ZFPM2: variants seen among roughly 807,000 people sequenced by gnomAD.
ZFPM2 encodes zinc finger protein ZFPM2.
In ZFPM2, 20 loss-of-function variants were observed where a neutral mutation model predicts 98.6. That is an observed-to-expected ratio of 0.20 (90% CI 0.14 to 0.29). The LOEUF (loss-of-function observed/expected upper bound fraction) is 0.29, where lower values mean the gene tolerates loss of function less well. ZFPM2 is among the 10% of genes least tolerant of loss of function. The pLI is 1.00. For synonymous variants in ZFPM2, 518 were observed against 502.7 expected (o/e 1.03, Z -0.41); for missense variants, 1,310 against 1,388.6 (o/e 0.94, Z 0.90).
chr8:105,397,992 A>C (rs1056383125), intron 1 of ZFPM2, among the ~76,000 whole-genome samples: 3 of 152,162 alleles, frequency 2.0e-5, no homozygotes, highest in African/African-American at 7.2e-5. Flanking sequence ...ATTTGTTAAC[A>C]TGTAAGGGAA....
intron 4 of ZFPM2, among the ~76,000 whole-genome samples, chr8:105,604,520 C>G (rs1816156767): frequency 1.3e-5 from 2 of 152,092 alleles, no homozygotes; most frequent in Non-Finnish European, 2.9e-5. Context: ...TTTCCGTGGT[C>G]TCCATGGCTC....
At chr8:105,780,528 C>T (rs1213056728) in intron 5 of ZFPM2, 1 of 152,218 alleles carries the variant, frequency 6.6e-6, no homozygotes, top group Non-Finnish European at 1.5e-5. Flanking sequence ...TTATCCACTT[C>T]CTTCACCATT....
Position 105,692,255 on chromosome 8 carries a change from A to G in ZFPM2, c.532+57898A>G, listed in dbSNP as rs372516321. Among the ~76,000 whole-genome samples the G allele has an allele frequency of 2.5e-4, 38 of 152,336 alleles. 1 individual carries two copies. The South Asian group carries it at 7.7e-3, about 31-fold the overall frequency. On this transcript the variant is annotated intron_variant, in intron 5 of 7. Coordinates refer to ENST00000407775, the MANE Select transcript of ZFPM2 (RefSeq NM_012082.4). Reference sequence around the variant, plus strand: ...GTTGGGTGCATGTATTTCAAGGAAAACAAATTGTTAGAACACCTATTAATC... The same window carrying G: ...GTTGGGTGCATGTATTTCAAGGAAAGCAAATTGTTAGAACACCTATTAATC...
chr8:105,647,891 C>T (rs76263220), intron 5 of ZFPM2, among the ~76,000 whole-genome samples: 70,779 of 151,740 alleles, frequency 0.47, 16,686 homozygotes, highest in African/African-American at 0.53. Context: ...GGGTATATAC[C>T]CAGTAATGGG....
intron 6 of ZFPM2, among the ~76,000 whole-genome samples, chr8:105,793,806 A>C (rs1435067868): frequency 7.2e-6 from 1 of 139,396 alleles, no homozygotes; most frequent in African/African-American, 3.1e-5. Flanking sequence ...TTTTTCTCTA[A>C]ACTTCCCTTC....
intron 4 of ZFPM2, among the ~76,000 whole-genome samples, chr8:105,620,438 T>C (rs1284591283): frequency 2.0e-5 from 3 of 152,228 alleles, no homozygotes; most frequent in Non-Finnish European, 4.4e-5. Context: ...ATTAGCCCTT[T>C]GTCAGTTGGG....
chr8:105,478,381 T>G (rs2130375143), intron 3 of ZFPM2, among the ~76,000 whole-genome samples: 1 of 152,362 alleles, frequency 6.6e-6, no homozygotes, highest in African/African-American at 2.4e-5. Context: ...TGCAAGTTTC[T>G]ACTTATCCAA....
intron 3 of ZFPM2, among the ~76,000 whole-genome samples, chr8:105,467,263 G>A (rs1313161967): frequency 6.6e-6 from 1 of 152,054 alleles, no homozygotes; most frequent in East Asian, 1.9e-4. Flanking sequence ...ATATTAAAAT[G>A]AGAGTGATTT....
At chr8:105,616,047 G>C (rs1016536326) in intron 4 of ZFPM2, among the ~76,000 whole-genome samples, 1 of 151,878 alleles carries the variant, frequency 6.6e-6, no homozygotes, top group Non-Finnish European at 1.5e-5. Context: ...GCTTTTTATA[G>C]CATATGGTGT....
At chr8:105,768,383 A>G (rs1017116036) in intron 5 of ZFPM2, among the ~76,000 whole-genome samples, 7 of 151,980 alleles carry the variant, frequency 4.6e-5, no homozygotes, top group African/African-American at 1.7e-4. Flanking sequence ...TCATCTCTTT[A>G]TTAATTCACT....
chr8:105,726,777 G>A (rs1270166980), intron 5 of ZFPM2, among the ~76,000 whole-genome samples: 3 of 151,668 alleles, frequency 2.0e-5, no homozygotes, highest in Non-Finnish European at 4.4e-5. Context: ...GCCTGTTGTG[G>A]GCTACTGCTA....
intron 1 of ZFPM2, among the ~76,000 whole-genome samples, chr8:105,321,599 G>T (rs1278292551): frequency 6.7e-6 from 1 of 149,836 alleles, no homozygotes; most frequent in African/African-American, 2.4e-5. Context: ...GTTGGGCACA[G>T]TTTTTTTTTT....
At chr8:105,466,981 G>A (rs78892597) in intron 3 of ZFPM2, among the ~76,000 whole-genome samples, 412 of 152,008 alleles carry the variant, frequency 2.7e-3, no homozygotes, top group Non-Finnish European at 5.1e-3. Context: ...TTGCCTAATC[G>A]CCCTAAGTTT....
intron 1 of ZFPM2, among the ~76,000 whole-genome samples, chr8:105,371,719 G>T (rs954020768): frequency 1.3e-5 from 2 of 152,014 alleles, no homozygotes; most frequent in Non-Finnish European, 2.9e-5. Context: ...AGAGAAAGGT[G>T]ATACCACCTT....
chr8:105,601,658 A>G (rs1156276092), intron 4 of ZFPM2, among the ~76,000 whole-genome samples: 1 of 152,064 alleles, frequency 6.6e-6, no homozygotes, highest in Non-Finnish European at 1.5e-5. Context: ...TATAGGAAAT[A>G]AGATGTTGGG....
chr8:105,600,756 A>G (rs948401778), intron 4 of ZFPM2, among the ~76,000 whole-genome samples: 1 of 151,970 alleles, frequency 6.6e-6, no homozygotes. Context: ...AAGTGTTTAT[A>G]GCAATAATCT....
intron 5 of ZFPM2, among the ~76,000 whole-genome samples, chr8:105,757,579 A>T (rs1812632526): frequency 6.6e-6 from 1 of 152,158 alleles, no homozygotes; most frequent in African/African-American, 2.4e-5. Flanking sequence ...ATTTGCAAAC[A>T]CTTTGGCTAT....
intron 3 of ZFPM2, among the ~76,000 whole-genome samples, chr8:105,447,489 C>G (rs1439413629): frequency 1.3e-5 from 2 of 152,036 alleles, no homozygotes; most frequent in African/African-American, 2.4e-5. Flanking sequence ...TTTAGAGTTT[C>G]TAATGCCCAC....
chr8:105,587,852 A>G (rs1364863210), intron 4 of ZFPM2, among the ~76,000 whole-genome samples: 1 of 152,166 alleles, frequency 6.6e-6, no homozygotes, highest in Non-Finnish European at 1.5e-5. Context: ...ACTAGATGCC[A>G]GTAGCATCCC....
Sources: gnomAD v4.1 joint callset for allele counts (sites outside exome capture counted in the v4.1 genomes callset) on GRCh38, gnomAD v4.1.1 for gene constraint, MANE v1.5 for transcripts, NCBI Gene and HGNC (gene_info 2026-07-23, HGNC 2026-07-21) for gene names.